The following PACRG variants were observed in gnomAD, a reference collection of about 807,000 sequenced individuals.
The protein encoded by PACRG is parkin coregulated, also known as parkin coregulated gene protein.
PACRG carries 29 observed loss-of-function variants against 29.7 expected under a neutral mutation model. The observed-to-expected ratio is 0.98, with a 90% confidence interval of 0.73 to 1.33. The LOEUF is 1.33. Among genes scored for constraint, PACRG ranks in the 40% most tolerant of loss-of-function variants. The pLI is 0.00. For missense variants in PACRG, 279 were observed against 316.2 expected (o/e 0.88, Z 0.89); for synonymous variants, 116 against 118.7 (o/e 0.98, Z 0.15).
chr6:163,060,805 G>A (rs1365736336), intron 2 of PACRG: 2 of 152,154 alleles, frequency 1.3e-5, no homozygotes, highest in African/African-American at 2.4e-5. Context: ...CCAGGGGTAG[G>A]CAGGCATGTG....
At chr6:163,070,392 A>G (rs185168703) in intron 3 of PACRG, among the ~76,000 whole-genome samples, 6 of 152,248 alleles carry the variant, frequency 3.9e-5, no homozygotes, top group Admixed American at 3.9e-4. Context: ...TAGAAAAAAA[A>G]GTTAAAAAGC....
At chr6:162,817,938 A>G (rs963620981) in intron 2 of PACRG, among the ~76,000 whole-genome samples, 2 of 152,174 alleles carry the variant, frequency 1.3e-5, no homozygotes, top group African/African-American at 4.8e-5. Flanking sequence ...ATACTTATCA[A>G]TGGCAAGTTC....
At chr6:162,814,972 C>A (rs1364114984) in intron 2 of PACRG, among the ~76,000 whole-genome samples, 3 of 152,148 alleles carry the variant, frequency 2.0e-5, no homozygotes, top group Non-Finnish European at 2.9e-5. Context: ...TAAAAACTTG[C>A]CAATCTCTTA....
chr6:162,914,223 AGTTT>A lies in PACRG; in HGVS notation c.291+99945_291+99948del, dbSNP rs371643492. On this transcript the variant is annotated intron_variant, in intron 2 of 4. Transcript: ENST00000366888. ...CTAGTCCTATGATCAATTTTTAGTT[AGTTT>A]GTGTATGTGTTATGAGGTATAAATT... Among the ~76,000 whole-genome samples the A allele has an allele frequency of 1.3e-4, 20 of 152,144 alleles. No individual in the cohort carries two copies. In the East Asian group the frequency reaches 3.7e-3, roughly 28 times the overall value.
At chr6:163,005,957 T>C (rs1440190462) in intron 2 of PACRG, among the ~76,000 whole-genome samples, 3 of 141,642 alleles carry the variant, frequency 2.1e-5, no homozygotes, top group Admixed American at 2.1e-4. Context: ...ATACATGTTA[T>C]GTGTATAACA....
intron 4 of PACRG, among the ~76,000 whole-genome samples, chr6:163,157,378 G>A (rs533602365): frequency 1.4e-4 from 21 of 152,226 alleles, no homozygotes; most frequent in Non-Finnish European, 2.8e-4. Context: ...CACCCTCCGA[G>A]GTGGAACGGC....
intron 2 of PACRG, among the ~76,000 whole-genome samples, chr6:163,030,017 G>A (rs1053623027): frequency 2.6e-5 from 4 of 152,182 alleles, no homozygotes; most frequent in Admixed American, 2.0e-4. Context: ...TTCATACAAT[G>A]AGGAGGAAAA....
intron 1 of PACRG, among the ~76,000 whole-genome samples, chr6:162,803,461 G>T (rs1786052280): frequency 1.3e-5 from 2 of 152,242 alleles, no homozygotes; most frequent in African/African-American, 4.8e-5. Flanking sequence ...TAGTCTATTA[G>T]AATATTCATT....
chr6:162,816,771 A>G (rs931898011), intron 2 of PACRG, among the ~76,000 whole-genome samples: 9 of 152,222 alleles, frequency 5.9e-5, no homozygotes, highest in African/African-American at 1.9e-4. Flanking sequence ...GACTTGTTTT[A>G]GGATGCCATT....
intron 4 of PACRG, among the ~76,000 whole-genome samples, chr6:163,198,857 G>T (rs771744731): frequency 1.3e-5 from 2 of 152,202 alleles, no homozygotes; most frequent in Non-Finnish European, 2.9e-5. Flanking sequence ...AGGGAGACAC[G>T]AGACATCAGT....
intron 4 of PACRG, among the ~76,000 whole-genome samples, chr6:163,169,897 T>G (rs1265740949): frequency 6.6e-6 from 1 of 152,198 alleles, no homozygotes; most frequent in African/African-American, 2.4e-5. Flanking sequence ...AAGATCGGTT[T>G]CTCATGGGGC....
intron 1 of PACRG, among the ~76,000 whole-genome samples, chr6:162,743,575 C>A (rs1427389336): frequency 6.6e-6 from 1 of 152,054 alleles, no homozygotes; most frequent in Non-Finnish European, 1.5e-5. Context: ...AACTGACATA[C>A]CAATTCTTCC....
At chr6:163,090,851 T>G (rs1232724842) in intron 4 of PACRG, among the ~76,000 whole-genome samples, 1 of 152,218 alleles carries the variant, frequency 6.6e-6, no homozygotes, top group Non-Finnish European at 1.5e-5. Context: ...CCCCCAAATG[T>G]CTTAGTTAAC....
At chr6:162,731,537 C>T (rs867130841) in intron 1 of PACRG, among the ~76,000 whole-genome samples, 46 of 152,000 alleles carry the variant, frequency 3.0e-4, no homozygotes, top group African/African-American at 1.1e-3. Context: ...ACAAATACTA[C>T]GCCATGTTAT....
intron 3 of PACRG, among the ~76,000 whole-genome samples, chr6:163,079,041 G>A (rs1177082251): frequency 6.6e-6 from 1 of 152,138 alleles, no homozygotes; most frequent in Non-Finnish European, 1.5e-5. Context: ...CTAACTAGCT[G>A]TGTGATCTCA....
At chr6:162,896,434 C>T (rs548995743) in intron 2 of PACRG, among the ~76,000 whole-genome samples, 68 of 152,264 alleles carry the variant, frequency 4.5e-4, no homozygotes, top group Non-Finnish European at 7.5e-4. Flanking sequence ...ATAATTTCTC[C>T]GTAAGAACGC....
rs1781701032 is a variant in PACRG at position 163,224,366 on chromosome 6, C to CA, written c.614-90461_614-90460insA. ...CCTGGGCAACAGAGTGAGACTCCAT[C>CA]TCAAAAAAAAAAAAAAAAAAAAAAA... On this transcript the variant is annotated intron_variant, in intron 4 of 4. Coordinates refer to ENST00000366888, the MANE Select transcript of PACRG (RefSeq NM_001080379.2). Among the ~76,000 whole-genome samples, 18 of 25,394 alleles carry CA rather than the reference C, an allele frequency of 7.1e-4. No homozygotes were observed. In the South Asian group the frequency reaches 0.029, roughly 41 times the overall value. 16.7% of individuals were successfully genotyped at this position (25,394 alleles called of 152,430 possible).
At chr6:163,109,300 C>G (rs1208946933) in intron 4 of PACRG, among the ~76,000 whole-genome samples, 4 of 152,164 alleles carry the variant, frequency 2.6e-5, no homozygotes, top group Non-Finnish European at 5.9e-5. Context: ...TGTACCCACC[C>G]CACTGTTGCC....
intron 1 of PACRG, among the ~76,000 whole-genome samples, chr6:162,788,860 CTTAT>C (rs1784719327): frequency 6.6e-6 from 1 of 152,004 alleles, no homozygotes; most frequent in African/African-American, 2.4e-5. Context: ...TGTTCATTTT[CTTAT>C]TTTGAGTTTG....
Sources: gnomAD v4.1 joint callset for allele counts (sites outside exome capture counted in the v4.1 genomes callset) on GRCh38, gnomAD v4.1.1 for gene constraint, MANE v1.5 for transcripts, NCBI Gene and HGNC (gene_info 2026-07-23, HGNC 2026-07-21) for gene names.